The following KIF23 variants were observed in gnomAD, a reference collection of about 807,000 sequenced individuals.
KIF23 encodes kinesin family member 23, also known as kinesin-like protein KIF23.
A neutral mutation model predicts 137.5 loss-of-function variants in KIF23; 30 were observed. That is an observed-to-expected ratio of 0.22 (90% CI 0.16 to 0.30). The LOEUF (loss-of-function observed/expected upper bound fraction) is 0.30, where lower values mean the gene tolerates loss of function less well. Ranked by LOEUF, KIF23 falls within the 10% of genes least tolerant of loss-of-function variation. The pLI, the probability that KIF23 is intolerant of heterozygous loss-of-function variation, is 1.00. For synonymous variants in KIF23, 367 were observed against 391.1 expected, an observed-to-expected ratio of 0.94 and a Z score of 0.73; for missense variants, 920 against 1,194.3, an observed-to-expected ratio of 0.77 and a Z score of 3.38.
chr15:69,436,834 A>T, intron 15 of KIF23, 112 bp downstream of exon 15: 1 of 588,738 alleles, frequency 1.7e-6, no homozygotes, highest in Non-Finnish European at 2.7e-6. Flanking sequence ...GGTTCACTGC[A>T]ACCTCCGCCT....
chr15:69,423,098 T>G lies in KIF23; in HGVS notation c.564-61T>G, dbSNP rs1380245879. 3 of 1,137,920 alleles carry G rather than the reference T, an allele frequency of 2.6e-6. No individual in the cohort carries two copies. The African/African-American group carries it at 4.8e-5, about 18-fold the overall frequency. The allele number at this position is 1,137,920 out of a possible 1,614,324, so 70.5% of individuals were successfully genotyped here. ...ATAGCTGTGAGCCACCATGCCCGGCTGGGATCATTTACTTTTAAAATGGAC... is the reference window on the plus strand; with the variant it reads ...ATAGCTGTGAGCCACCATGCCCGGCGGGGATCATTTACTTTTAAAATGGAC... On this transcript the variant is annotated intron_variant, in intron 6 of 23. Coordinates refer to ENST00000679126, the MANE Select transcript of KIF23 (RefSeq NM_001367805.3).
At chr15:69,417,701 G>C (rs942428355) in intron 3 of KIF23, among the ~76,000 whole-genome samples, 190 bp downstream of exon 3, 2 of 152,190 alleles carry the variant, frequency 1.3e-5, no homozygotes, top group Non-Finnish European at 2.9e-5. Flanking sequence ...GTATGCTGGG[G>C]TTAGAGGATT....
At chr15:69,414,637 C>A (rs1020030758) in intron 1 of KIF23, 161 bp downstream of exon 1, 2 of 724,424 alleles carry the variant, frequency 2.8e-6, no homozygotes, top group East Asian at 3.5e-5. Flanking sequence ...GGAACCTCCA[C>A]GTGTGGCCGC....
chr15:69,426,417 T>C lies in KIF23; in HGVS notation c.971T>C (p.Val324Ala), dbSNP rs532640614. 5 of 1,614,152 alleles carry C rather than the reference T, an allele frequency of 3.1e-6. No homozygotes were observed. In the East Asian group the frequency reaches 8.9e-5, roughly 29 times the overall value. ...CATAGCGTGTTCAACATTAAATTAG[T>C]TCAGGCTCCCTTGGATGCAGATGGA... ...RSHSVFNIKL[V>A]QAPLDADGDN... is the part of the protein sequence containing the mutation. The change falls in exon 10 of 24, where the codon GTT becomes GCT. Residue 324 changes from valine (V) to alanine (A), a missense_variant. By Grantham distance (64) the Val-to-Ala change is moderately conservative (BLOSUM62 0). This residue lies in a region of KIF23 where 714 missense variants were observed against 866.2 expected (regional missense o/e 0.82). Transcript: ENST00000679126.
intron 3 of KIF23, among the ~76,000 whole-genome samples, chr15:69,418,512 G>A (rs184754293): frequency 5.9e-5 from 9 of 152,194 alleles, no homozygotes; most frequent in Admixed American, 3.9e-4. Context: ...CAGAAACCTG[G>A]TACCTACCTT....
intron 3 of KIF23, among the ~76,000 whole-genome samples, chr15:69,419,219 G>C (rs148573359): frequency 3.2e-4 from 48 of 152,310 alleles, no homozygotes; most frequent in African/African-American, 1.1e-3. Context: ...TGCTGAGTGT[G>C]CTTTGGGTAT....
At chr15:69,439,203 A>G (rs1567075863) in intron 16 of KIF23, among the ~76,000 whole-genome samples, 1 of 152,152 alleles carries the variant, frequency 6.6e-6, no homozygotes, top group Non-Finnish European at 1.5e-5. Flanking sequence ...ATTTTATGAG[A>G]GTTTTAACAG....
intron 3 of KIF23, among the ~76,000 whole-genome samples, chr15:69,419,569 T>C (rs2057001436): frequency 6.6e-6 from 1 of 152,212 alleles, no homozygotes; most frequent in African/African-American, 2.4e-5. Context: ...TCGGGTTGTA[T>C]AGACTACCCA....
chr15:69,419,441 C>T (rs1263437571), intron 3 of KIF23, among the ~76,000 whole-genome samples: 4 of 152,328 alleles, frequency 2.6e-5, no homozygotes, highest in African/African-American at 9.6e-5. Flanking sequence ...TCATCCAATC[C>T]TTTGAGTTTC....
intron 3 of KIF23, among the ~76,000 whole-genome samples, chr15:69,419,120 AAAAC>A (rs148743318): frequency 0.02 from 3,032 of 152,228 alleles, 96 homozygotes; most frequent in African/African-American, 0.07. Flanking sequence ...TCCATCTCAA[AAAAC>A]AAACAAACAA....
Position 69,422,256 on chromosome 15 carries a change from A to G in KIF23, c.454-70A>G, listed in dbSNP as rs2057074765. ...CTTAACTGTTCCTTAGTTTTTAAAC[A>G]TATTTCTTACTATTTAAGTTAAATT... On this transcript the variant is annotated intron_variant, in intron 5 of 23. Transcript: ENST00000679126. 18 of 1,460,764 alleles carry G rather than the reference A, an allele frequency of 1.2e-5. No individual in the cohort carries two copies. The Admixed American group carries it at 3.5e-4, about 28-fold the overall frequency. The allele number at this position is 1,460,764 out of a possible 1,614,324, so 90.5% of individuals were successfully genotyped here.
chr15:69,442,897 GAATTTAT>G (rs2057654456), intron 19 of KIF23, among the ~76,000 whole-genome samples: 1 of 152,210 alleles, frequency 6.6e-6, no homozygotes, highest in Admixed American at 6.5e-5. Context: ...CAGGTGGACT[GAATTTAT>G]ACTTCAGTGA....
In KIF23 at chr15:69,440,973, C is replaced by T. The variant is rs775907716; in HGVS notation, c.2315C>T (p.Thr772Ile). 23 of 1,614,080 alleles carry T rather than the reference C, an allele frequency of 1.4e-5. No homozygotes were observed. In the Admixed American group the frequency reaches 3.8e-4, roughly 27 times the overall value. Residue 772 changes from threonine to isoleucine, a missense_variant, in exon 19 of 24, where the codon ACT becomes ATT. Thr to Ile is a moderately conservative substitution (Grantham distance 89, BLOSUM62 -1). Coordinates refer to ENST00000679126, the MANE Select transcript of KIF23 (RefSeq NM_001367805.3). ...RRQQEPGQSK[T>I]CIVSDRRRGM... ...CAGCAGGAGCCAGGACAAAGCAAAA[C>T]TTGTATCGTGTCAGACAGAAGGCGA...
chr15:69,429,748 C>T (rs770123938), intron 11 of KIF23, among the ~76,000 whole-genome samples: 5 of 152,086 alleles, frequency 3.3e-5, no homozygotes, highest in African/African-American at 7.2e-5. Context: ...AGTCTGGGTG[C>T]GGTGGCTCAC....
At chr15:69,439,735 T>C (rs963333944) in intron 16 of KIF23, among the ~76,000 whole-genome samples, 169 bp from the exon 17 acceptor site, 4 of 152,220 alleles carry the variant, frequency 2.6e-5, no homozygotes, top group African/African-American at 9.6e-5. Flanking sequence ...ATGTTTTCAT[T>C]TCTGAGAATG....
chr15:69,433,914 T>A (rs2057412459), intron 11 of KIF23, among the ~76,000 whole-genome samples: 1 of 152,168 alleles, frequency 6.6e-6, no homozygotes, highest in African/African-American at 2.4e-5. Context: ...ATTAATTGAT[T>A]ATGTACAGCA....
chr15:69,434,666 T>C, intron 11 of KIF23: 1 of 1,478,028 alleles, frequency 6.8e-7, no homozygotes, highest in Non-Finnish European at 9.4e-7. Context: ...CTCACCCTCC[T>C]GTCTTGAGTT....
chr15:69,430,044 A>G (rs1372511965), intron 11 of KIF23, among the ~76,000 whole-genome samples: 1 of 151,932 alleles, frequency 6.6e-6, no homozygotes, highest in African/African-American at 2.4e-5. Context: ...AAAGGACTCT[A>G]TTTTTAGTGT....
At chr15:69,415,030 A>G (rs2056862589) in intron 1 of KIF23, 1 of 152,280 alleles carries the variant, frequency 6.6e-6, no homozygotes, top group Admixed American at 6.5e-5. Context: ...CAGGCCAGTT[A>G]CTTCTGCTGT....
Sources: allele counts gnomAD v4.1 joint callset (sites outside exome capture counted in the v4.1 genomes callset), GRCh38; gene constraint gnomAD v4.1.1; regional missense constraint gnomAD v4.1.1; transcripts MANE v1.5; gene names NCBI Gene and HGNC (gene_info 2026-07-23, HGNC 2026-07-21).